The following WWOX variants were observed in gnomAD, a reference collection of about 807,000 sequenced individuals.
The protein encoded by WWOX is WW domain-containing oxidoreductase.
Under a neutral mutation model 46.2 loss-of-function variants are expected in WWOX, and 69 were observed. That is an observed-to-expected ratio of 1.49 (90% confidence interval 1.23 to 1.82). WWOX has a LOEUF of 1.82. Ranked by LOEUF, WWOX falls within the 40% of genes most tolerant of loss-of-function variation. The pLI is 0.00. For missense variants in WWOX, 919 were observed against 542.6 expected (o/e 1.69, Z -6.89); for synonymous variants, 359 against 202.6 (o/e 1.77, Z -6.56).
chr16:78,170,771 G>A (rs1265402292), intron 5 of WWOX, among the ~76,000 whole-genome samples: 1 of 152,134 alleles, frequency 6.6e-6, no homozygotes, highest in Non-Finnish European at 1.5e-5. Flanking sequence ...GATGATTAAG[G>A]GATTAGTCAT....
chr16:78,887,083 T>TGTGTGTGTGTG (rs2044477555), intron 8 of WWOX, among the ~76,000 whole-genome samples: 1 of 11,016 alleles, frequency 9.1e-5, no homozygotes, highest in East Asian at 0.012. Flanking sequence ...GTGTGGTGTG[T>TGTGTGTGTGTG]GTGTGTGTGT....
chr16:78,785,907 T>A (rs1270047036), intron 8 of WWOX, among the ~76,000 whole-genome samples: 1 of 152,184 alleles, frequency 6.6e-6, no homozygotes, highest in African/African-American at 2.4e-5. Flanking sequence ...ATTTCTTTTT[T>A]ATTTTATTTT....
intron 8 of WWOX, among the ~76,000 whole-genome samples, chr16:78,740,256 T>C (rs969166474): frequency 6.6e-6 from 1 of 152,190 alleles, no homozygotes; most frequent in Admixed American, 6.5e-5. Context: ...CTTACAATGC[T>C]GATGCGACTC....
chr16:79,081,521 T>G lies in WWOX; in HGVS notation c.1057-130087T>G, dbSNP rs895579615. ...GCGATGTGTTATAACAGGACAGACC[T>G]TGTACTTTGGAATCAAACATTCTCA... is the stretch of plus-strand genomic sequence containing the variant. On this transcript the variant is annotated intron_variant, in intron 8 of 8. Transcript: ENST00000566780. 1.4e-4 allele frequency among the ~76,000 whole-genome samples: 22 copies of G among 152,304 alleles called. No homozygotes were observed. The Middle Eastern group carries it at 0.014, about 94-fold the overall frequency.
chr16:78,825,480 G>C (rs1337342624), intron 8 of WWOX: 1 of 449,522 alleles, frequency 2.2e-6, no homozygotes, highest in Admixed American at 2.3e-5. Context: ...AGGGATTCTG[G>C]AATTGACTGC....
intron 8 of WWOX, chr16:79,078,060 A>T (rs991547521): frequency 5.3e-5 from 8 of 152,110 alleles, no homozygotes; most frequent in Non-Finnish European, 1.2e-4. Context: ...TCAGGGGAAA[A>T]AAAGGTCCCC....
At chr16:78,125,488 G>T (rs1409271384) in intron 4 of WWOX, among the ~76,000 whole-genome samples, 1 of 152,140 alleles carries the variant, frequency 6.6e-6, no homozygotes, top group East Asian at 1.9e-4. Context: ...TCTGTGCCCG[G>T]TCAAGTGCTG....
In WWOX at chr16:78,187,990, T is replaced by C. The variant is rs549569965; in HGVS notation, c.516+23701T>C. On this transcript the variant is annotated intron_variant, in intron 5 of 8. Coordinates refer to ENST00000566780, the MANE Select transcript of WWOX (RefSeq NM_016373.4). ...ATGCATTCCAAGAATTTAATTACTA[T>C]AACATCACTTCATTCATTGTAATTC... 4.6e-4 allele frequency among the ~76,000 whole-genome samples: 70 copies of C among 152,348 alleles called. 2 individuals carry two copies. The South Asian group carries it at 0.014, about 31-fold the overall frequency.
At chr16:78,454,031 A>G in intron 8 of WWOX, among the ~76,000 whole-genome samples, 1 of 152,178 alleles carries the variant, frequency 6.6e-6, no homozygotes, top group East Asian at 1.9e-4. Flanking sequence ...TCAGTGAGAA[A>G]TATATGCCAT....
chr16:78,113,245 C>T (rs988139081), intron 3 of WWOX, among the ~76,000 whole-genome samples: 83 of 152,302 alleles, frequency 5.4e-4, no homozygotes, highest in African/African-American at 1.6e-3. Flanking sequence ...TTGCAATCTG[C>T]GCTCTAATAG....
At chr16:78,425,282 T>G (rs923716969) in intron 7 of WWOX, among the ~76,000 whole-genome samples, 3 of 152,180 alleles carry the variant, frequency 2.0e-5, no homozygotes, top group African/African-American at 7.2e-5. Flanking sequence ...ACGACTATAC[T>G]TCAAGCTCCT....
intron 6 of WWOX, among the ~76,000 whole-genome samples, chr16:78,397,053 A>T (rs2082303614): frequency 6.6e-6 from 1 of 152,192 alleles, no homozygotes; most frequent in African/African-American, 2.4e-5. Flanking sequence ...AGGTCTGGTC[A>T]AGGTAAATAA....
chr16:78,131,907 G>A (rs2033610323), intron 4 of WWOX, among the ~76,000 whole-genome samples: 1 of 149,402 alleles, frequency 6.7e-6, no homozygotes. Context: ...TTTCATACTT[G>A]AGGAAACATC....
chr16:79,178,015 G>T (rs2050835658), intron 8 of WWOX, among the ~76,000 whole-genome samples: 1 of 152,166 alleles, frequency 6.6e-6, no homozygotes, highest in Non-Finnish European at 1.5e-5. Flanking sequence ...TCAACTTAGT[G>T]GGAGGGGATA....
At chr16:79,010,347 C>T (rs560997255) in intron 8 of WWOX, among the ~76,000 whole-genome samples, 2 of 152,130 alleles carry the variant, frequency 1.3e-5, no homozygotes, top group African/African-American at 4.8e-5. Flanking sequence ...GGGACCAGGG[C>T]CTTTAACTCA....
At chr16:78,363,660 A>G (rs754826059) in intron 5 of WWOX, among the ~76,000 whole-genome samples, 2 of 152,130 alleles carry the variant, frequency 1.3e-5, no homozygotes, top group Non-Finnish European at 2.9e-5. Context: ...TTCTAAATAT[A>G]CTTGACCACC....
intron 5 of WWOX, among the ~76,000 whole-genome samples, chr16:78,320,329 G>A (rs569147591): frequency 6.6e-6 from 1 of 152,150 alleles, no homozygotes; most frequent in East Asian, 1.9e-4. Context: ...CTTCGGTGTA[G>A]GTTGTCATAC....
intron 8 of WWOX, chr16:78,535,541 C>T (rs947835768): frequency 6.6e-6 from 1 of 152,178 alleles, no homozygotes; most frequent in Admixed American, 6.5e-5. Flanking sequence ...ACAGAAGAAC[C>T]CTTAGAAGTA....
intron 8 of WWOX, among the ~76,000 whole-genome samples, chr16:78,913,124 C>G (rs2045154741): frequency 6.6e-6 from 1 of 151,986 alleles, no homozygotes; most frequent in African/African-American, 2.4e-5. Flanking sequence ...CTACCTCCTG[C>G]CAGAAAAGAT....
Sources: allele counts gnomAD v4.1 joint callset (sites outside exome capture counted in the v4.1 genomes callset), GRCh38; gene constraint gnomAD v4.1.1; transcripts MANE v1.5; gene names NCBI Gene and HGNC (gene_info 2026-07-23, HGNC 2026-07-21).